Variants in CTIF observed in about 807,000 individuals in gnomAD.
The protein encoded by CTIF is cap binding complex dependent translation initiation factor.
A neutral mutation model predicts 66.0 loss-of-function variants in CTIF; 21 were observed. The ratio of observed to expected loss-of-function variants is 0.32; its 90% CI spans 0.23 to 0.46. CTIF has a LOEUF of 0.46. Ranked by LOEUF, CTIF falls within the 20% of genes least tolerant of loss-of-function variation. The pLI is 1.00. For synonymous variants in CTIF, 345 were observed against 326.4 expected, an observed-to-expected ratio of 1.06 and a Z score of -0.62; for missense variants, 739 against 812.7, an observed-to-expected ratio of 0.91 and a Z score of 1.10.
chr18:48,828,334 G>A (rs78831323), intron 10 of CTIF, among the ~76,000 whole-genome samples: 7,349 of 152,230 alleles, frequency 0.048, 406 homozygotes, highest in East Asian at 0.31. Flanking sequence ...TATTTTCTCT[G>A]AAATACAGAG....
chr18:48,604,360 A>G (rs1157668148), intron 1 of CTIF, among the ~76,000 whole-genome samples: 1 of 149,422 alleles, frequency 6.7e-6, no homozygotes, highest in Non-Finnish European at 1.5e-5. Context: ...GTATATTTTT[A>G]GTAGAGACGG....
At chr18:48,829,046 AG>A (rs1309335921) in intron 10 of CTIF, among the ~76,000 whole-genome samples, 1 of 152,156 alleles carries the variant, frequency 6.6e-6, no homozygotes, top group African/African-American at 2.4e-5. Flanking sequence ...TGAAGGTGGG[AG>A]GGGACCGGCA....
intron 1 of CTIF, among the ~76,000 whole-genome samples, chr18:48,594,021 T>G (rs1333889706): frequency 6.6e-6 from 1 of 152,142 alleles, no homozygotes; most frequent in Non-Finnish European, 1.5e-5. Flanking sequence ...AGGTGAATTT[T>G]TACCTCTCCT....
chr18:48,627,431 G>A (rs954012882), intron 2 of CTIF, among the ~76,000 whole-genome samples: 3 of 152,050 alleles, frequency 2.0e-5, no homozygotes, highest in Non-Finnish European at 2.9e-5. Context: ...TCGCTTAGGA[G>A]TGAGGATTTG....
intron 1 of CTIF, among the ~76,000 whole-genome samples, chr18:48,614,393 GT>G (rs2144335115): frequency 6.6e-6 from 1 of 152,290 alleles, no homozygotes; most frequent in East Asian, 1.9e-4. Flanking sequence ...CAGAGGGATC[GT>G]TGTACACTCA....
intron 3 of CTIF, among the ~76,000 whole-genome samples, chr18:48,642,757 AC>A (rs1422075781): frequency 1.3e-5 from 2 of 152,196 alleles, no homozygotes; most frequent in African/African-American, 4.8e-5. Context: ...ACATTAAACA[AC>A]CAACAACCAA....
At chr18:48,657,771 T>C (rs2091268612) in intron 3 of CTIF, among the ~76,000 whole-genome samples, 2 of 152,242 alleles carry the variant, frequency 1.3e-5, no homozygotes, top group Non-Finnish European at 2.9e-5. Context: ...ATTCTTTTGT[T>C]TTCACTGAGT....
At chr18:48,786,001 G>C (rs1911673265) in intron 9 of CTIF, among the ~76,000 whole-genome samples, 1 of 152,144 alleles carries the variant, frequency 6.6e-6, no homozygotes, top group Non-Finnish European at 1.5e-5. Context: ...GGAAGCTGAG[G>C]CTAGGAGAGT....
chr18:48,691,589 C>A (rs1479460196), intron 6 of CTIF, among the ~76,000 whole-genome samples: 1 of 152,192 alleles, frequency 6.6e-6, no homozygotes, highest in Non-Finnish European at 1.5e-5. Flanking sequence ...TTCTTCCTTT[C>A]TCTAGCTGGG....
At chr18:48,658,589 A>T (rs1225477690) in intron 3 of CTIF, among the ~76,000 whole-genome samples, 2 of 151,828 alleles carry the variant, frequency 1.3e-5, no homozygotes, top group Admixed American at 1.3e-4. Flanking sequence ...TATGCATACC[A>T]TGCATGTGTG....
chr18:48,757,815 A>C, intron 7 of CTIF, 104 bp from the exon 8 acceptor site: 1 of 1,421,792 alleles, frequency 7.0e-7, no homozygotes, highest in Non-Finnish European at 9.5e-7. Context: ...GGAAGAATGA[A>C]TATATGGACA....
chr18:48,769,783 C>G (rs1424154126), intron 9 of CTIF, among the ~76,000 whole-genome samples: 1 of 152,238 alleles, frequency 6.6e-6, no homozygotes, highest in East Asian at 1.9e-4. Context: ...CTGCTTTTCT[C>G]CAATCTTTAT....
At chr18:48,588,657 T>A (rs2089824035) in intron 1 of CTIF, among the ~76,000 whole-genome samples, 1 of 151,082 alleles carries the variant, frequency 6.6e-6, no homozygotes, top group South Asian at 2.1e-4. Flanking sequence ...TTCCTTCTCC[T>A]GGCTGCATCT....
chr18:48,561,037 G>A (rs2089146959), intron 1 of CTIF, among the ~76,000 whole-genome samples: 2 of 152,020 alleles, frequency 1.3e-5, no homozygotes, highest in Admixed American at 6.6e-5. Context: ...TCAGGAGTTC[G>A]AGACCAGCCT....
chr18:48,555,257 A>T (rs2088990454), intron 1 of CTIF, among the ~76,000 whole-genome samples: 2 of 152,290 alleles, frequency 1.3e-5, no homozygotes, highest in South Asian at 4.1e-4. Context: ...GCTTCTAGAT[A>T]TGGGGATTCC....
intron 1 of CTIF, among the ~76,000 whole-genome samples, chr18:48,573,487 TAC>T (rs1363495698): frequency 2.6e-5 from 4 of 152,382 alleles, no homozygotes; most frequent in African/African-American, 9.6e-5. Flanking sequence ...TGCACTGATG[TAC>T]AGTGTGTACA....
At chr18:48,574,750 G>A (rs1236894069) in intron 1 of CTIF, among the ~76,000 whole-genome samples, 1 of 151,070 alleles carries the variant, frequency 6.6e-6, no homozygotes, top group Non-Finnish European at 1.5e-5. Context: ...CGACTATCTC[G>A]TCCCCTAGGA....
rs187178633 is a variant in CTIF at position 48,848,985 on chromosome 18, G to A, written c.1528-8603G>A. Among the ~76,000 whole-genome samples the A allele has an allele frequency of 4.9e-3, 753 of 152,316 alleles. 5 individuals carry two copies. Among genetic ancestry groups the A allele is most frequent in the African/African-American group, 0.018 (729 of 41,576 alleles). On this transcript the variant is annotated intron_variant, in intron 10 of 11. Coordinates refer to ENST00000256413, the MANE Select transcript of CTIF (RefSeq NM_014772.3). ...AACACATTTTGCCGTTCGAGGGCAC[G>A]GGAGGCTTGCCTGCCCCAGCCCGCC... is the stretch of plus-strand genomic sequence containing the variant.
At chr18:48,649,181 AG>A (rs1159256849) in intron 3 of CTIF, among the ~76,000 whole-genome samples, 1 of 152,180 alleles carries the variant, frequency 6.6e-6, no homozygotes, top group African/African-American at 2.4e-5. Context: ...ACAAGGGGTC[AG>A]GGGATTTCCC....
Sources: allele counts gnomAD v4.1 joint callset (sites outside exome capture counted in the v4.1 genomes callset), GRCh38; gene constraint gnomAD v4.1.1; transcripts MANE v1.5; gene names NCBI Gene and HGNC (gene_info 2026-07-23, HGNC 2026-07-21).